Variants in MARCHF1 observed in about 807,000 individuals in gnomAD.
The protein encoded by MARCHF1 is E3 ubiquitin-protein ligase MARCHF1.
MARCHF1 carries 40 observed loss-of-function variants against 54.2 expected under a neutral mutation model. The ratio of observed to expected loss-of-function variants is 0.74; its 90% confidence interval spans 0.57 to 0.96. MARCHF1 has a LOEUF of 0.96. Ranked by LOEUF, MARCHF1 falls within the 40% of genes least tolerant of loss-of-function variation. The pLI is 0.00. For synonymous variants in MARCHF1, 236 were observed against 236.3 expected (o/e 1.00, Z 0.01); for missense variants, 586 against 656.5 (o/e 0.89, Z 1.17).
Position 163,827,995 on chromosome 4 carries a change from C to CA in MARCHF1, c.111+26025_111+26026insT, listed in dbSNP as rs1329860783. Among the ~76,000 whole-genome samples, 13 of 147,650 alleles carry CA rather than the reference C, an allele frequency of 8.8e-5. No homozygotes were observed. The South Asian group carries it at 2.4e-3, about 27-fold the overall frequency. ...ACGGACAGATATGAACATCCTCCCT[C>CA]CAAAAGTGTGCGCAGGCATACACAC... is the stretch of plus-strand genomic sequence containing the variant. On this transcript the variant is annotated intron_variant, in intron 4 of 9. Transcript: ENST00000514618.
At chr4:164,374,093 A>G (rs1731115516) in intron 1 of MARCHF1, among the ~76,000 whole-genome samples, 1 of 152,244 alleles carries the variant, frequency 6.6e-6, no homozygotes, top group African/African-American at 2.4e-5. Flanking sequence ...ATAAATGTTC[A>G]CATTAGATGT....
At chr4:163,892,329 A>T (rs1579370903) in intron 3 of MARCHF1, among the ~76,000 whole-genome samples, 7 of 152,046 alleles carry the variant, frequency 4.6e-5, no homozygotes, top group Admixed American at 4.6e-4. Flanking sequence ...GCAGACCTGT[A>T]ATATTCAGAA....
chr4:163,913,711 T>C (rs1217850351), intron 3 of MARCHF1, among the ~76,000 whole-genome samples: 1 of 152,186 alleles, frequency 6.6e-6, no homozygotes, highest in African/African-American at 2.4e-5. Flanking sequence ...ATCAAACACA[T>C]GAAGCTGGCA....
At chr4:163,915,384 T>C (rs1206467396) in intron 3 of MARCHF1, among the ~76,000 whole-genome samples, 2 of 151,994 alleles carry the variant, frequency 1.3e-5, no homozygotes, top group Non-Finnish European at 2.9e-5. Context: ...CTAACAGTCA[T>C]CCTTAAAACT....
chr4:163,706,085 T>C (rs902130580), intron 4 of MARCHF1, among the ~76,000 whole-genome samples: 6 of 152,086 alleles, frequency 3.9e-5, no homozygotes, highest in African/African-American at 1.2e-4. Context: ...ACAGTGGCAT[T>C]ATATCTCCCA....
chr4:163,674,761 T>G (rs1743854866), intron 5 of MARCHF1, among the ~76,000 whole-genome samples: 1 of 152,188 alleles, frequency 6.6e-6, no homozygotes, highest in Non-Finnish European at 1.5e-5. Context: ...ATAAGTATAA[T>G]ATGTATATTT....
chr4:164,360,592 C>T (rs951061429), intron 1 of MARCHF1, among the ~76,000 whole-genome samples: 2 of 152,040 alleles, frequency 1.3e-5, no homozygotes, highest in Admixed American at 1.3e-4. Context: ...GTTTAAGTGT[C>T]GATTTTTCAG....
intron 8 of MARCHF1, among the ~76,000 whole-genome samples, chr4:163,553,032 CAAAAA>C (rs778572383): frequency 3.1e-5 from 2 of 64,428 alleles, no homozygotes; most frequent in Admixed American, 2.9e-4. Flanking sequence ...GACTCCGTCT[CAAAAA>C]AAAAAAAAAA....
At chr4:164,259,499 AC>A (rs1335906812) in intron 1 of MARCHF1, among the ~76,000 whole-genome samples, 6 of 22,534 alleles carry the variant, frequency 2.7e-4, no homozygotes, top group Non-Finnish European at 4.8e-4. Flanking sequence ...AGCTGAGATC[AC>A]GGCTACTGCA....
At chr4:163,676,868 A>T (rs1233344523) in intron 5 of MARCHF1, among the ~76,000 whole-genome samples, 1 of 152,168 alleles carries the variant, frequency 6.6e-6, no homozygotes, top group East Asian at 1.9e-4. Context: ...TAAAACAGAT[A>T]TAGACACTCA....
At chr4:164,161,335 C>T (rs933271623) in intron 1 of MARCHF1, among the ~76,000 whole-genome samples, 2 of 152,096 alleles carry the variant, frequency 1.3e-5, no homozygotes, top group African/African-American at 4.8e-5. Context: ...ATGAGGCCTC[C>T]CCAGAAGCCA....
chr4:164,080,180 A>C (rs1404002182), intron 2 of MARCHF1, among the ~76,000 whole-genome samples: 1 of 152,220 alleles, frequency 6.6e-6, no homozygotes, highest in African/African-American at 2.4e-5. Flanking sequence ...TCCTGAGATC[A>C]CATAGAATAG....
At chr4:163,636,925 C>G (rs1742352514) in intron 5 of MARCHF1, among the ~76,000 whole-genome samples, 1 of 152,144 alleles carries the variant, frequency 6.6e-6, no homozygotes, top group Admixed American at 6.5e-5. Context: ...AGGACAGAGC[C>G]CTCAGAAATA....
chr4:164,006,094 C>T (rs1753280960), intron 2 of MARCHF1, among the ~76,000 whole-genome samples: 2 of 151,706 alleles, frequency 1.3e-5, no homozygotes, highest in Admixed American at 1.3e-4. Context: ...AACACAGAAC[C>T]ATGACCTCAA....
chr4:164,351,297 C>T (rs1170751103), intron 1 of MARCHF1, among the ~76,000 whole-genome samples: 1 of 150,968 alleles, frequency 6.6e-6, no homozygotes. Flanking sequence ...GTAGGCTCCA[C>T]CTCTGGGGGC....
chr4:163,792,228 G>A (rs1030138335), intron 4 of MARCHF1, among the ~76,000 whole-genome samples: 1 of 152,092 alleles, frequency 6.6e-6, no homozygotes, highest in African/African-American at 2.4e-5. Flanking sequence ...CTTTACGTTT[G>A]TCTTCACGTT....
At chr4:163,565,571 T>C (rs776717366) in intron 8 of MARCHF1, among the ~76,000 whole-genome samples, 10 of 152,286 alleles carry the variant, frequency 6.6e-5, no homozygotes, top group Non-Finnish European at 1.2e-4. Flanking sequence ...TATGAAATAT[T>C]AGTTCTCACT....
At chr4:163,591,428 C>G (rs1220365866) in intron 7 of MARCHF1, among the ~76,000 whole-genome samples, 1 of 152,036 alleles carries the variant, frequency 6.6e-6, no homozygotes, top group Non-Finnish European at 1.5e-5. Flanking sequence ...AAAGCCTATA[C>G]CACACAGATA....
intron 5 of MARCHF1, among the ~76,000 whole-genome samples, chr4:163,658,731 G>A (rs1743238613): frequency 6.6e-6 from 1 of 151,966 alleles, no homozygotes; most frequent in Admixed American, 6.6e-5. Flanking sequence ...CTAAGTGGGT[G>A]CTGAATAATG....
Sources: allele counts gnomAD v4.1 joint callset (sites outside exome capture counted in the v4.1 genomes callset), GRCh38; gene constraint gnomAD v4.1.1; transcripts MANE v1.5; gene names NCBI Gene and HGNC (gene_info 2026-07-23, HGNC 2026-07-21).